The following DENND2A variants were observed in gnomAD, a reference collection of about 807,000 sequenced individuals.
The protein encoded by DENND2A is DENN domain containing 2A, also known as DENN domain-containing protein 2A.
A neutral mutation model predicts 105.3 loss-of-function variants in DENND2A; 53 were observed. The observed-to-expected ratio is 0.50, with a 90% CI of 0.40 to 0.63. DENND2A has a LOEUF of 0.63. Ranked by LOEUF, DENND2A falls within the 30% of genes least tolerant of loss-of-function variation. The pLI is 0.00. For missense variants in DENND2A, 1,138 were observed against 1,279.6 expected (o/e 0.89, Z 1.69); for synonymous variants, 522 against 508.4 (o/e 1.03, Z -0.36).
At chr7:140,531,800 C>T (rs763415970) in intron 14 of DENND2A, among the ~76,000 whole-genome samples, 5 of 146,870 alleles carry the variant, frequency 3.4e-5, no homozygotes, top group East Asian at 2.0e-4. Flanking sequence ...GGGCAACAAA[C>T]GCGAAACTCT....
chr7:140,562,688 C>CAAAA lies in DENND2A; in HGVS notation c.1780-2875_1780-2872dup, dbSNP rs1554468997. Among the ~76,000 whole-genome samples the CAAAA allele has an allele frequency of 6.0e-5, 9 of 150,214 alleles. 1 individual carries two copies. Among genetic ancestry groups the CAAAA allele is most frequent in the African/African-American group, 2.2e-4 (9 of 41,334 alleles). The stretch of plus-strand genomic sequence containing the variant: ...AAACAAACAAACAAAACAACAACAA[C>CAAAA]AAAAAAACCCGCTTCCAGTATGATT... On this transcript the variant is annotated intron_variant, in intron 9 of 19. Transcript: ENST00000496613.
chr7:140,591,135 A>T (rs113344755), intron 3 of DENND2A, among the ~76,000 whole-genome samples: 5,488 of 151,838 alleles, frequency 0.036, 176 homozygotes, highest in African/African-American at 0.092. Flanking sequence ...TGTCTCTATA[A>T]AAGATACAAA....
At chr7:140,607,487 C>T (rs1469176620) in intron 1 of DENND2A, among the ~76,000 whole-genome samples, 1 of 152,148 alleles carries the variant, frequency 6.6e-6, no homozygotes, top group Non-Finnish European at 1.5e-5. Context: ...AGCTGTTCCC[C>T]TATCCAGCAA....
At chr7:140,525,709 T>C (rs1004576381) in intron 16 of DENND2A, 42 bp downstream of exon 16, 6 of 1,567,984 alleles carry the variant, frequency 3.8e-6, no homozygotes, top group Non-Finnish European at 5.2e-6. Context: ...AACAAATAGG[T>C]AAAGACAAAG....
chr7:140,573,718 G>A, intron 6 of DENND2A, 90 bp downstream of exon 6: 1 of 1,407,110 alleles, frequency 7.1e-7, no homozygotes, highest in East Asian at 2.3e-5. Flanking sequence ...AGGGGCCAGT[G>A]ATGTATTCTC....
chr7:140,558,476 A>T (rs1188483581), intron 10 of DENND2A, among the ~76,000 whole-genome samples: 10 of 152,000 alleles, frequency 6.6e-5, no homozygotes, highest in Non-Finnish European at 1.3e-4. Context: ...CAGGTGGATC[A>T]CTTGAGGTCA....
intron 1 of DENND2A, among the ~76,000 whole-genome samples, chr7:140,620,404 A>G (rs1432355922): frequency 6.6e-6 from 1 of 151,806 alleles, no homozygotes; most frequent in Non-Finnish European, 1.5e-5. Context: ...AAAGAAAATG[A>G]CTGGAAGTAA....
chr7:140,523,218 T>A lies in DENND2A; in HGVS notation c.2665+89A>T. On this transcript the variant is annotated intron_variant, in intron 17 of 19. Coordinates refer to ENST00000496613, the MANE Select transcript of DENND2A (RefSeq NM_015689.5). The surrounding 1 kb of genome is among the most constrained non-coding windows in gnomAD (Gnocchi z 4.5). ...TCTCCTTATGTCTCCCTTGCCCATA[T>A]TCCTACTTGGCCCTTGGCCACTGCC... 8.2e-7 allele frequency: 1 copy of A among 1,212,194 alleles called. No homozygotes were observed. The highest frequency in any genetic ancestry group is 1.2e-6 in the Non-Finnish European group (1 of 818,580). The allele number at this position is 1,212,194 out of a possible 1,614,324, so 75.1% of individuals were successfully genotyped here. A position where few individuals can be genotyped will look rare whatever the true frequency, so the allele number is the denominator to read the frequency against.
rs546951818 is a variant in DENND2A at position 140,583,139 on chromosome 7, AC to A, written c.1245+2449del. Among the ~76,000 whole-genome samples, 36 of 151,822 alleles carry A rather than the reference AC, an allele frequency of 2.4e-4. 1 individual carries two copies. Among genetic ancestry groups the A allele is most frequent in the African/African-American group, 7.7e-4 (32 of 41,416 alleles). On this transcript the variant is annotated intron_variant, in intron 5 of 19. Transcript: ENST00000496613. ...ACCCCATCTCTACTAAAAAAAAAAT[AC>A]AAAAAATTAGCCGGCCATGGTGATG...
intron 3 of DENND2A, among the ~76,000 whole-genome samples, chr7:140,598,233 G>A (rs2130677720): frequency 6.6e-6 from 1 of 152,258 alleles, no homozygotes; most frequent in South Asian, 2.1e-4. Flanking sequence ...ATGATCATCA[G>A]GAGTTTCTGA....
At chr7:140,526,857 G>A (rs1485650830) in intron 15 of DENND2A, among the ~76,000 whole-genome samples, 1 of 152,144 alleles carries the variant, frequency 6.6e-6, no homozygotes. Flanking sequence ...AGGGGCTGGG[G>A]CTAAGTAACT....
intron 1 of DENND2A, among the ~76,000 whole-genome samples, chr7:140,632,498 A>C (rs1476011521): frequency 6.6e-6 from 1 of 152,220 alleles, no homozygotes; most frequent in Non-Finnish European, 1.5e-5. Flanking sequence ...GCGTGGCCAC[A>C]AGGTGCAGTT....
Position 140,601,799 on chromosome 7 carries a change from G to T in DENND2A, c.599C>A (p.Thr200Asn). 1 of 1,614,158 alleles carries T rather than the reference G, an allele frequency of 6.2e-7. No homozygotes were observed. The highest frequency in any genetic ancestry group is 2.2e-5 in the East Asian group (1 of 44,870). The change falls in exon 3 of 20, where the codon ACC (threonine) becomes AAC (asparagine). Residue 200 changes from threonine (T) to asparagine (N), a missense_variant. Thr to Asn is a moderately conservative substitution (Grantham distance 65). Around this residue, in one of 2 missense-constraint regions of DENND2A, gnomAD observed 511 missense variants for 499.9 expected, o/e 1.02. Transcript: ENST00000496613. ...CCCGCCTCCCAGGTTCTCAGGAAGG[G>T]TGGACCCTGCCTCTGCCTTGTCAGG... The part of the protein sequence containing the change: ...CPPDKAEAGS[T>N]LPENLGGGSG...
chr7:140,569,847 G>A (rs1011868343), intron 6 of DENND2A, 109 bp from the exon 7 acceptor site: 2 of 756,804 alleles, frequency 2.6e-6, no homozygotes, highest in Admixed American at 4.1e-5. Context: ...AGGGCCAGGG[G>A]GAGTGGGAGA....
chr7:140,536,808 G>A (rs907531049), intron 14 of DENND2A, among the ~76,000 whole-genome samples: 15 of 152,042 alleles, frequency 9.9e-5, no homozygotes, highest in Admixed American at 4.6e-4. Flanking sequence ...GATTACAGGC[G>A]CCTGCCATCA....
intron 1 of DENND2A, among the ~76,000 whole-genome samples, chr7:140,634,983 C>T (rs1232580788): frequency 6.6e-6 from 1 of 151,836 alleles, no homozygotes; most frequent in African/African-American, 2.4e-5. Context: ...AAAATTTTGG[C>T]CAAGTGCAGT....
intron 13 of DENND2A, among the ~76,000 whole-genome samples, chr7:140,546,579 C>CT (rs1180704001): frequency 6.6e-6 from 1 of 152,246 alleles, no homozygotes; most frequent in Non-Finnish European, 1.5e-5. Flanking sequence ...AACACCCCAG[C>CT]TGCCATAGCA....
intron 12 of DENND2A, among the ~76,000 whole-genome samples, chr7:140,554,010 GA>G (rs1178085462): frequency 2.0e-5 from 3 of 149,126 alleles, no homozygotes; most frequent in African/African-American, 7.4e-5. Context: ...GGCGGATTAC[GA>G]GGTCAGGAGA....
chr7:140,563,743 G>T lies in DENND2A; in HGVS notation c.1779+3343C>A, dbSNP rs555413901. On this transcript the variant is annotated intron_variant, in intron 9 of 19. Transcript: ENST00000496613. ...GATCCCAGCACTTTGGAAGGCCGAGGTAGGGAGATCGCTTGAGCTCAGGAA... is the reference window on the plus strand; with the variant it reads ...GATCCCAGCACTTTGGAAGGCCGAGTTAGGGAGATCGCTTGAGCTCAGGAA... Among the ~76,000 whole-genome samples, 13 of 148,800 alleles carry T rather than the reference G, an allele frequency of 8.7e-5. No homozygotes were observed. The South Asian group carries it at 2.6e-3, about 29-fold the overall frequency.
Sources: gnomAD v4.1 joint callset for allele counts (sites outside exome capture counted in the v4.1 genomes callset) on GRCh38, gnomAD v4.1.1 for gene constraint, gnomAD v4.1.1 regional missense constraint, Gnocchi (gnomAD v3.1) non-coding constraint, MANE v1.5 for transcripts, NCBI Gene and HGNC (gene_info 2026-07-23, HGNC 2026-07-21) for gene names.